Variants in RALGAPA2 observed in about 807,000 individuals in gnomAD.
RALGAPA2 encodes Ral GTPase activating protein catalytic subunit alpha 2.
RALGAPA2 carries 139 observed loss-of-function variants against 230.4 expected under a neutral mutation model. The ratio of observed to expected loss-of-function variants is 0.60; its 90% CI spans 0.53 to 0.69. The LOEUF (loss-of-function observed/expected upper bound fraction) is 0.69, where lower values mean the gene tolerates loss of function less well. Ranked by LOEUF, RALGAPA2 falls within the 30% of genes least tolerant of loss-of-function variation. The pLI, the probability that RALGAPA2 is intolerant of heterozygous loss-of-function variation, is 0.00. For synonymous variants in RALGAPA2, 847 were observed against 837.8 expected (o/e 1.01, Z -0.19); for missense variants, 2,163 against 2,276.0 (o/e 0.95, Z 1.01).
intron 16 of RALGAPA2, chr20:20,598,688 T>C (rs879752253): frequency 6.6e-6 from 3 of 456,088 alleles, no homozygotes; most frequent in Non-Finnish European, 1.3e-5. Context: ...CCTGACAGCC[T>C]GTGAGAGCAA....
At chr20:20,648,803 A>G (rs1303598145) in intron 4 of RALGAPA2, among the ~76,000 whole-genome samples, 1 of 152,092 alleles carries the variant, frequency 6.6e-6, no homozygotes, top group Non-Finnish European at 1.5e-5. Flanking sequence ...TGTAAAAGGG[A>G]CAGAGGTTTC....
At chr20:20,644,874 T>C (rs1212157505) in intron 4 of RALGAPA2, among the ~76,000 whole-genome samples, 4 of 152,166 alleles carry the variant, frequency 2.6e-5, no homozygotes, top group Non-Finnish European at 4.4e-5. Context: ...CAGTTTAACA[T>C]CTACTTCATT....
intron 37 of RALGAPA2, among the ~76,000 whole-genome samples, chr20:20,430,951 C>G (rs552668711): frequency 2.6e-5 from 4 of 152,098 alleles, no homozygotes; most frequent in African/African-American, 9.6e-5. Context: ...CGTCTCCCAG[C>G]ATACTACTGA....
chr20:20,519,697 ACT>A (rs1189365022), intron 31 of RALGAPA2, among the ~76,000 whole-genome samples: 1 of 151,668 alleles, frequency 6.6e-6, no homozygotes, highest in African/African-American at 2.4e-5. Context: ...GCTAGAAATG[ACT>A]CTTTCTTGGT....
At chr20:20,573,450 T>A (rs2064714125) in intron 20 of RALGAPA2, among the ~76,000 whole-genome samples, 1 of 152,140 alleles carries the variant, frequency 6.6e-6, no homozygotes, top group African/African-American at 2.4e-5. Context: ...GTCAGGTTCA[T>A]GGGGGTGAAA....
chr20:20,436,751 G>A (rs2060623722), intron 37 of RALGAPA2, among the ~76,000 whole-genome samples: 1 of 152,240 alleles, frequency 6.6e-6, no homozygotes, highest in African/African-American at 2.4e-5. Flanking sequence ...CTAGTCGGGT[G>A]AGTAGCGTTC....
chr20:20,539,291 G>A (rs913853301), intron 24 of RALGAPA2, among the ~76,000 whole-genome samples: 2 of 152,068 alleles, frequency 1.3e-5, no homozygotes, highest in Admixed American at 6.5e-5. Context: ...GACTGAGCAG[G>A]TGTGCTCCAG....
At chr20:20,642,160 AG>A (rs2067060071) in intron 5 of RALGAPA2, among the ~76,000 whole-genome samples, 1 of 11,778 alleles carries the variant, frequency 8.5e-5, no homozygotes, top group Non-Finnish European at 1.9e-4. Context: ...AGGGGAGGGG[AG>A]GGGAGGGGAG....
At chr20:20,607,299 A>G (rs1456889974) in intron 14 of RALGAPA2, among the ~76,000 whole-genome samples, 1 of 152,190 alleles carries the variant, frequency 6.6e-6, no homozygotes, top group Non-Finnish European at 1.5e-5. Context: ...CTTCTGTAAT[A>G]CGCCTGTTCT....
intron 11 of RALGAPA2, among the ~76,000 whole-genome samples, chr20:20,619,659 C>T (rs1351411910): frequency 6.6e-6 from 1 of 152,098 alleles, no homozygotes; most frequent in Non-Finnish European, 1.5e-5. Flanking sequence ...TTGTGTTTGT[C>T]CAATGACTGA....
In RALGAPA2 at chr20:20,421,193, C is replaced by G. The variant is rs561128463; in HGVS notation, c.5496-9045G>C. ...AGAAGATATGTAAATGGCCAGTAAA[C>G]ACATGAAAAGATGCTCAACACCACA... On this transcript the variant is annotated intron_variant, in intron 37 of 39. Transcript: ENST00000202677. Among the ~76,000 whole-genome samples the G allele has an allele frequency of 5.3e-5, 8 of 152,254 alleles. No individual in the cohort carries two copies. The East Asian group carries it at 1.5e-3, about 29-fold the overall frequency.
intron 31 of RALGAPA2, among the ~76,000 whole-genome samples, chr20:20,515,246 A>T (rs1185445733): frequency 2.6e-5 from 4 of 152,244 alleles, no homozygotes; most frequent in African/African-American, 9.6e-5. Flanking sequence ...CAAATCGCAC[A>T]GCCCCATATA....
intron 9 of RALGAPA2, among the ~76,000 whole-genome samples, chr20:20,633,657 T>G (rs2066762412): frequency 1.3e-5 from 2 of 152,046 alleles, no homozygotes; most frequent in African/African-American, 4.8e-5. Flanking sequence ...CCGGCTAATT[T>G]TTACTAGAGA....
intron 33 of RALGAPA2, among the ~76,000 whole-genome samples, chr20:20,508,727 A>G (rs2062609937): frequency 6.6e-6 from 1 of 152,264 alleles, no homozygotes; most frequent in Admixed American, 6.5e-5. Flanking sequence ...TGACCAAAAT[A>G]CAGGGCAGTC....
chr20:20,706,368 C>T (rs995358685), intron 1 of RALGAPA2, among the ~76,000 whole-genome samples: 38 of 152,122 alleles, frequency 2.5e-4, no homozygotes, highest in Admixed American at 1.7e-3. Flanking sequence ...GGAAGCATTA[C>T]GACAAAATCA....
At chr20:20,440,265 A>C (rs929017375) in intron 37 of RALGAPA2, among the ~76,000 whole-genome samples, 1 of 152,196 alleles carries the variant, frequency 6.6e-6, no homozygotes, top group Non-Finnish European at 1.5e-5. Context: ...TTACTATGGA[A>C]TTCGGGCCAA....
At chr20:20,577,847 A>G (rs1426476768) in intron 20 of RALGAPA2, among the ~76,000 whole-genome samples, 1 of 152,118 alleles carries the variant, frequency 6.6e-6, no homozygotes, top group African/African-American at 2.4e-5. Context: ...TCGCTGGTTA[A>G]ACCTTCACTC....
At chr20:20,599,302 G>A (rs1232832119) in intron 16 of RALGAPA2, among the ~76,000 whole-genome samples, 4 of 152,148 alleles carry the variant, frequency 2.6e-5, no homozygotes, top group African/African-American at 9.7e-5. Flanking sequence ...TAAAAGTCAA[G>A]TTGAACATTA....
At chr20:20,696,063 A>G (rs2069102799) in intron 1 of RALGAPA2, among the ~76,000 whole-genome samples, 3 of 151,950 alleles carry the variant, frequency 2.0e-5, no homozygotes, top group South Asian at 4.1e-4. Context: ...CCGTCTCCAT[A>G]TTGTTACAAG....
Sources: gnomAD v4.1 joint callset for allele counts (sites outside exome capture counted in the v4.1 genomes callset) on GRCh38, gnomAD v4.1.1 for gene constraint, MANE v1.5 for transcripts, NCBI Gene and HGNC (gene_info 2026-07-23, HGNC 2026-07-21) for gene names.